CACNB2: variants seen among roughly 807,000 people sequenced by gnomAD.
CACNB2 encodes calcium voltage-gated channel auxiliary subunit beta 2, also known as voltage-dependent L-type calcium channel subunit beta-2.
CACNB2 carries 42 observed loss-of-function variants against 73.3 expected under a neutral mutation model. The ratio of observed to expected loss-of-function variants is 0.57; its 90% CI spans 0.45 to 0.74. The LOEUF (loss-of-function observed/expected upper bound fraction) is 0.74, where lower values mean the gene tolerates loss of function less well. Ranked by LOEUF, CACNB2 falls within the 30% of genes least tolerant of loss-of-function variation. CACNB2 has a pLI of 0.00. For missense variants in CACNB2, 940 were observed against 853.0 expected (o/e 1.10, Z -1.27); for synonymous variants, 348 against 310.3 (o/e 1.12, Z -1.28).
chr10:18,259,135 A>G (rs1290909746), intron 2 of CACNB2, among the ~76,000 whole-genome samples: 1 of 152,220 alleles, frequency 6.6e-6, no homozygotes, highest in African/African-American at 2.4e-5. Context: ...TATTGCTTAT[A>G]TTACTGATAA....
intron 3 of CACNB2, among the ~76,000 whole-genome samples, chr10:18,495,059 T>C (rs11014504): frequency 0.44 from 67,267 of 151,976 alleles, 15,194 homozygotes; most frequent in East Asian, 0.7. Context: ...TAATAACTCA[T>C]GTCTGACACA....
intron 2 of CACNB2, among the ~76,000 whole-genome samples, chr10:18,321,736 G>A (rs1264743852): frequency 6.6e-6 from 1 of 152,140 alleles, no homozygotes; most frequent in Non-Finnish European, 1.5e-5. Flanking sequence ...CACCTCACTA[G>A]TGTGGATATG....
intron 13 of CACNB2, 72 bp downstream of exon 13, chr10:18,538,437 T>C: frequency 7.2e-7 from 1 of 1,382,686 alleles, no homozygotes; most frequent in Non-Finnish European, 1.0e-6. Context: ...GTGACACCTC[T>C]AGGATCCAAG....
chr10:18,468,582 C>T (rs1019634523), intron 3 of CACNB2, among the ~76,000 whole-genome samples: 2 of 152,054 alleles, frequency 1.3e-5, no homozygotes, highest in African/African-American at 2.4e-5. Flanking sequence ...GCAGACTGAG[C>T]GTCTGATTTT....
chr10:18,442,235 C>T (rs545016279), intron 3 of CACNB2, among the ~76,000 whole-genome samples: 21 of 152,094 alleles, frequency 1.4e-4, no homozygotes, highest in South Asian at 2.1e-4. Context: ...CTGCAACCTC[C>T]GCCTCCTGGG....
At chr10:18,144,402 T>G (rs562777908) in intron 1 of CACNB2, among the ~76,000 whole-genome samples, 2 of 152,328 alleles carry the variant, frequency 1.3e-5, no homozygotes, top group South Asian at 4.1e-4. Flanking sequence ...GTTTCTTACA[T>G]GGGAAATGAA....
intron 2 of CACNB2, among the ~76,000 whole-genome samples, chr10:18,161,222 G>A (rs973050122): frequency 1.3e-5 from 2 of 152,176 alleles, no homozygotes; most frequent in South Asian, 2.1e-4. Context: ...TTGGCCATCT[G>A]TGTTATCCTT....
intron 2 of CACNB2, among the ~76,000 whole-genome samples, chr10:18,381,428 T>C (rs2043012161): frequency 6.6e-6 from 1 of 152,142 alleles, no homozygotes; most frequent in South Asian, 2.1e-4. Flanking sequence ...CCGTGGCTCA[T>C]GCCTGTAACC....
chr10:18,228,243 G>A (rs911674929), intron 2 of CACNB2, among the ~76,000 whole-genome samples: 29 of 152,008 alleles, frequency 1.9e-4, no homozygotes, highest in African/African-American at 7.0e-4. Context: ...GGTCAACATG[G>A]TGAAACCTTG....
At chr10:18,177,540 C>T (rs1364486360) in intron 2 of CACNB2, among the ~76,000 whole-genome samples, 9 of 149,224 alleles carry the variant, frequency 6.0e-5, no homozygotes, top group South Asian at 2.1e-4. Flanking sequence ...GATCACGCCA[C>T]GGCACTCCAG....
At chr10:18,413,905 C>G (rs2044780006) in intron 3 of CACNB2, among the ~76,000 whole-genome samples, 1 of 152,240 alleles carries the variant, frequency 6.6e-6, no homozygotes, top group Non-Finnish European at 1.5e-5. Context: ...GCACACAGCA[C>G]CTGCCGTGGA....
intron 2 of CACNB2, among the ~76,000 whole-genome samples, chr10:18,221,396 G>A (rs1233737258): frequency 6.6e-6 from 1 of 152,078 alleles, no homozygotes; most frequent in Non-Finnish European, 1.5e-5. Flanking sequence ...TTTAAAAAAA[G>A]CACCAGGCAT....
chr10:18,494,829 G>T (rs369224400), intron 3 of CACNB2, among the ~76,000 whole-genome samples: 1 of 151,904 alleles, frequency 6.6e-6, no homozygotes, highest in Non-Finnish European at 1.5e-5. Flanking sequence ...AGGAGGCTGA[G>T]GGGGGAGGAT....
At chr10:18,521,987 T>C (rs986549972) in intron 9 of CACNB2, among the ~76,000 whole-genome samples, 3 of 152,144 alleles carry the variant, frequency 2.0e-5, no homozygotes, top group African/African-American at 7.2e-5. Context: ...CAAAGCTTCA[T>C]CTGTATTTAC....
rs192941794 is a variant in CACNB2, at chr10:18,499,572, G to A, written c.456+1095G>A. 1.3e-4 allele frequency among the ~76,000 whole-genome samples: 15 copies of A among 118,680 alleles called. No homozygotes were observed. The East Asian group carries it at 1.5e-3, about 11-fold the overall frequency. The allele number at this position is 118,680 out of a possible 152,430, so 77.9% of individuals were successfully genotyped here. A position where few individuals can be genotyped will look rare whatever the true frequency, so the allele number is the denominator to read the frequency against. ...GGAGGTTGCAGTGAGCCGAGATTGC[G>A]CCACTGCACCCGAGCCTGGCGACAG... is the stretch of plus-strand genomic sequence containing the variant. On this transcript the variant is annotated intron_variant, in intron 4 of 13. Coordinates refer to ENST00000324631, the MANE Select transcript of CACNB2 (RefSeq NM_201596.3).
intron 2 of CACNB2, among the ~76,000 whole-genome samples, chr10:18,383,906 A>G (rs905950262): frequency 1.3e-5 from 2 of 151,916 alleles, no homozygotes; most frequent in African/African-American, 4.8e-5. Flanking sequence ...GGATTTCACT[A>G]TGTTGGTCAA....
intron 9 of CACNB2, among the ~76,000 whole-genome samples, chr10:18,526,354 C>T (rs1421774780): frequency 6.6e-6 from 1 of 152,208 alleles, no homozygotes; most frequent in East Asian, 1.9e-4. Flanking sequence ...CCTGTTCTGT[C>T]TAGGGTCCCC....
chr10:18,474,772 T>C (rs1381714388), intron 3 of CACNB2, among the ~76,000 whole-genome samples: 2 of 151,998 alleles, frequency 1.3e-5, no homozygotes, highest in East Asian at 3.9e-4. Context: ...GTGGGTTGTT[T>C]TCCCCCCCAA....
At chr10:18,524,955 G>A (rs1432562853) in intron 9 of CACNB2, among the ~76,000 whole-genome samples, 1 of 150,184 alleles carries the variant, frequency 6.7e-6, no homozygotes, top group Non-Finnish European at 1.5e-5. Context: ...ACTTGAGCCT[G>A]GGAGGTTGAG....
Sources: allele counts gnomAD v4.1 joint callset (sites outside exome capture counted in the v4.1 genomes callset), GRCh38; gene constraint gnomAD v4.1.1; transcripts MANE v1.5; gene names NCBI Gene and HGNC (gene_info 2026-07-23, HGNC 2026-07-21).